The following CEP85L variants were observed in gnomAD, a reference collection of about 807,000 sequenced individuals.
CEP85L encodes centrosomal protein 85L.
CEP85L carries 60 observed loss-of-function variants against 100.3 expected under a neutral mutation model. That is an observed-to-expected ratio of 0.60 (90% confidence interval 0.49 to 0.74). CEP85L has a LOEUF of 0.74. CEP85L is among the 30% of genes least tolerant of loss of function. The pLI, the probability that CEP85L is intolerant of heterozygous loss-of-function variation, is 0.00. For synonymous variants in CEP85L, 319 were observed against 322.7 expected (o/e 0.99, Z 0.12); for missense variants, 973 against 936.2 (o/e 1.04, Z -0.51).
At chr6:118,561,127 G>A (rs1473682196) in intron 3 of CEP85L, among the ~76,000 whole-genome samples, 1 of 152,136 alleles carries the variant, frequency 6.6e-6, no homozygotes, top group Non-Finnish European at 1.5e-5. Flanking sequence ...TTGGTTCAGG[G>A]ATATCTGAAG....
chr6:118,566,955 G>A (rs77149726), intron 2 of CEP85L, among the ~76,000 whole-genome samples: 3 of 151,952 alleles, frequency 2.0e-5, no homozygotes, highest in African/African-American at 7.3e-5. Flanking sequence ...TTACTGAGAG[G>A]TGTTATTCAT....
chr6:118,465,742 C>T (rs1160353763), intron 12 of CEP85L, among the ~76,000 whole-genome samples, 174 bp from the exon 13 acceptor site: 1 of 152,170 alleles, frequency 6.6e-6, no homozygotes, highest in Non-Finnish European at 1.5e-5. Flanking sequence ...ATCTTATCCA[C>T]TTGGTCCTTT....
intron 1 of CEP85L, among the ~76,000 whole-genome samples, chr6:118,680,306 CTTTTTTTTT>C (rs57764027): frequency 3.6e-5 from 2 of 56,180 alleles, no homozygotes; most frequent in Admixed American, 2.8e-4. Context: ...CTTGGTGTTG[CTTTTTTTTT>C]TTTTTTTTTT....
intron 1 of CEP85L, among the ~76,000 whole-genome samples, chr6:118,696,181 G>A (rs1048095853): frequency 6.6e-6 from 1 of 152,042 alleles, no homozygotes; most frequent in Non-Finnish European, 1.5e-5. Context: ...TGAGGCAGGA[G>A]AATTGCTTAA....
At chr6:118,651,160 A>AC (rs1562340100) in intron 1 of CEP85L, 37 bp downstream of exon 1, 7 of 1,479,454 alleles carry the variant, frequency 4.7e-6, no homozygotes, top group Admixed American at 2.3e-5. Context: ...GTCGGCCGTG[A>AC]CCCCCACCCC....
chr6:118,597,961 AAG>A (rs1363324593), intron 2 of CEP85L, among the ~76,000 whole-genome samples: 1 of 152,220 alleles, frequency 6.6e-6, no homozygotes, highest in Non-Finnish European at 1.5e-5. Flanking sequence ...CAGTGACTAT[AAG>A]AAGATTATTG....
At chr6:118,540,949 G>A (rs1239379628) in intron 3 of CEP85L, among the ~76,000 whole-genome samples, 3 of 152,094 alleles carry the variant, frequency 2.0e-5, no homozygotes, top group African/African-American at 7.2e-5. Flanking sequence ...TTGGAAGTGT[G>A]AAGTTTCAGG....
intron 3 of CEP85L, among the ~76,000 whole-genome samples, chr6:118,543,294 A>C (rs1371183608): frequency 6.6e-6 from 1 of 152,186 alleles, no homozygotes; most frequent in Non-Finnish European, 1.5e-5. Context: ...AGTTTATCTA[A>C]GTTTCTGAGG....
chr6:118,562,195 A>C (rs1779263161), intron 3 of CEP85L, among the ~76,000 whole-genome samples: 2 of 152,224 alleles, frequency 1.3e-5, no homozygotes, highest in South Asian at 2.1e-4. Context: ...ACAGTTAAAA[A>C]ATTAAAGCCA....
intron 8 of CEP85L, 121 bp from the exon 9 acceptor site, chr6:118,480,634 G>A: frequency 3.2e-6 from 2 of 619,458 alleles, no homozygotes; most frequent in Non-Finnish European, 2.8e-6. Flanking sequence ...ATGACATCAA[G>A]ACCCACAGAC....
intron 2 of CEP85L, among the ~76,000 whole-genome samples, chr6:118,584,548 C>A (rs896614680): frequency 3.3e-5 from 5 of 152,182 alleles, no homozygotes; most frequent in African/African-American, 1.2e-4. Flanking sequence ...GCTTAAGGCA[C>A]CAACTTTCAC....
intron 5 of CEP85L, among the ~76,000 whole-genome samples, chr6:118,510,381 A>G (rs1411882297): frequency 6.6e-6 from 1 of 151,560 alleles, no homozygotes; most frequent in Non-Finnish European, 1.5e-5. Flanking sequence ...AAAAAACAAT[A>G]AGCAAAAACC....
chr6:118,482,983 G>A (rs1773900113), intron 7 of CEP85L, among the ~76,000 whole-genome samples: 2 of 152,160 alleles, frequency 1.3e-5, no homozygotes, highest in Non-Finnish European at 1.5e-5. Context: ...ACGAGAAGGA[G>A]CACTGCTATT....
chr6:118,517,196 T>C (rs1159001445), intron 4 of CEP85L, among the ~76,000 whole-genome samples: 1 of 152,232 alleles, frequency 6.6e-6, no homozygotes, highest in Non-Finnish European at 1.5e-5. Context: ...AGCTTTGTTC[T>C]TTTTGCTTAG....
rs1042194587 is a variant in CEP85L, at chr6:118,709,585, G to A, written c.-28+451C>T. Among the ~76,000 whole-genome samples the A allele has an allele frequency of 6.6e-5, 10 of 151,224 alleles. No homozygotes were observed. In the East Asian group the frequency reaches 7.8e-4, roughly 12 times the overall value. On this transcript the variant is annotated intron_variant, in intron 1 of 13. Coordinates refer to the CEP85L transcript ENST00000368488. The stretch of plus-strand genomic sequence containing the variant: ...AGAGAGAGAGAGAGAGAGAGAGAGC[G>A]CTCCCAGTTGGCCAAGTACCCTTTA...
intron 1 of CEP85L, among the ~76,000 whole-genome samples, chr6:118,678,918 G>A (rs1310408892): frequency 8.7e-6 from 1 of 115,060 alleles, no homozygotes; most frequent in Admixed American, 7.6e-5. Context: ...GCAACAGAGT[G>A]AGACTAAGAA....
chr6:118,543,035 T>G (rs1777999969), intron 3 of CEP85L, among the ~76,000 whole-genome samples: 1 of 152,088 alleles, frequency 6.6e-6, no homozygotes. Context: ...CAATTCACTT[T>G]TTGTTCCTTC....
intron 1 of CEP85L, 33 bp from the exon 2 acceptor site, chr6:118,632,644 ATATC>A (rs1332767621): frequency 5.8e-6 from 9 of 1,564,566 alleles, no homozygotes; most frequent in Non-Finnish European, 6.9e-6. Context: ...GTTAACACAT[ATATC>A]TGAGTAGGCA....
chr6:118,565,994 C>G lies in CEP85L; in HGVS notation c.555G>C (p.Lys185Asn). 1 of 1,614,236 alleles carries G rather than the reference C, an allele frequency of 6.2e-7. No homozygotes were observed. The highest frequency in any genetic ancestry group is 8.5e-7 in the Non-Finnish European group (1 of 1,180,038). ...CREESRNGLEKIGKAKALTSQ... is the reference protein window; with the variant it reads ...CREESRNGLENIGKAKALTSQ... ...ATGTTAAAGCCTTAGCCTTCCCTAT[C>G]TTCTCCAAACCATTCCTTGACTCTT... Residue 185 changes from lysine to asparagine, a missense_variant, in exon 3 of 13, where the codon AAG becomes AAC. Lys to Asn is a moderately conservative substitution (Grantham distance 94). Around this residue, in one of 3 missense-constraint regions of CEP85L, gnomAD observed 890 missense variants for 844.5 expected, o/e 1.05. Transcript: ENST00000368491.
Sources: gnomAD v4.1 joint callset for allele counts (sites outside exome capture counted in the v4.1 genomes callset) on GRCh38, gnomAD v4.1.1 for gene constraint, gnomAD v4.1.1 regional missense constraint, MANE v1.5 for transcripts, NCBI Gene and HGNC (gene_info 2026-07-23, HGNC 2026-07-21) for gene names.